The following TMEM135 variants were observed in gnomAD, a reference collection of about 807,000 sequenced individuals.
TMEM135 encodes peroxisomal membrane protein 52.
A neutral mutation model predicts 60.3 loss-of-function variants in TMEM135; 30 were observed. The observed-to-expected ratio is 0.50, with a 90% CI of 0.37 to 0.68. The LOEUF (loss-of-function observed/expected upper bound fraction) is 0.68, where lower values mean the gene tolerates loss of function less well. TMEM135 is among the 30% of genes least tolerant of loss of function. TMEM135 has a pLI of 0.00. For missense variants in TMEM135, 468 were observed against 548.8 expected (o/e 0.85, Z 1.47); for synonymous variants, 190 against 186.7 (o/e 1.02, Z -0.14).
At chr11:87,099,399 C>A (rs868773778) in intron 4 of TMEM135, among the ~76,000 whole-genome samples, 1 of 152,000 alleles carries the variant, frequency 6.6e-6, no homozygotes, top group African/African-American at 2.4e-5. Context: ...GTTCTCTTTA[C>A]CCATTTTCCC....
At chr11:87,263,944 C>T (rs953281622) in intron 6 of TMEM135, among the ~76,000 whole-genome samples, 1 of 151,804 alleles carries the variant, frequency 6.6e-6, no homozygotes, top group African/African-American at 2.4e-5. Flanking sequence ...ATTGTGATGG[C>T]AAGCCTTTTA....
chr11:87,302,231 C>CTTT, intron 7 of TMEM135, 65 bp from the exon 8 acceptor site: 1 of 1,322,102 alleles, frequency 7.6e-7, no homozygotes, highest in Non-Finnish European at 1.0e-6. Context: ...TAAACAAAGT[C>CTTT]TTTTTTTTTT....
At chr11:87,220,266 TA>T (rs1323654620) in intron 5 of TMEM135, among the ~76,000 whole-genome samples, 2 of 152,198 alleles carry the variant, frequency 1.3e-5, no homozygotes, top group African/African-American at 4.8e-5. Context: ...TATTTGTTAT[TA>T]AAGACAGAAT....
chr11:87,247,453 C>T (rs1008587664), intron 6 of TMEM135, among the ~76,000 whole-genome samples: 1 of 152,140 alleles, frequency 6.6e-6, no homozygotes, highest in African/African-American at 2.4e-5. Flanking sequence ...GCCATTCCCC[C>T]AGAGGTGGAG....
intron 5 of TMEM135, among the ~76,000 whole-genome samples, chr11:87,229,794 G>GGT (rs1940850368): frequency 6.6e-6 from 1 of 151,986 alleles, no homozygotes; most frequent in Non-Finnish European, 1.5e-5. Flanking sequence ...TATGTACAAA[G>GGT]GTATGTACAT....
chr11:87,242,248 T>C (rs1269838677), intron 6 of TMEM135, among the ~76,000 whole-genome samples: 1 of 151,786 alleles, frequency 6.6e-6, no homozygotes, highest in Non-Finnish European at 1.5e-5. Flanking sequence ...ATCCAGTCTA[T>C]CATTGTCGGA....
intron 10 of TMEM135, among the ~76,000 whole-genome samples, chr11:87,311,409 T>C (rs144170615): frequency 2.6e-4 from 39 of 152,150 alleles, no homozygotes; most frequent in African/African-American, 9.4e-4. Flanking sequence ...AAGGACAGAT[T>C]ATTGGTAATT....
chr11:87,102,734 A>ATGTATT (rs1857492116), intron 4 of TMEM135, among the ~76,000 whole-genome samples: 1 of 144,812 alleles, frequency 6.9e-6, no homozygotes, highest in African/African-American at 2.6e-5. Flanking sequence ...ATATGTATAT[A>ATGTATT]TATATGTATA....
chr11:87,047,011 C>T (rs1036458452), intron 1 of TMEM135, among the ~76,000 whole-genome samples: 3 of 152,160 alleles, frequency 2.0e-5, no homozygotes, highest in African/African-American at 7.2e-5. Flanking sequence ...TTTAAAAATG[C>T]AAGTCAGCTT....
At chr11:87,270,914 C>T (rs1262795931) in intron 6 of TMEM135, among the ~76,000 whole-genome samples, 1 of 151,988 alleles carries the variant, frequency 6.6e-6, no homozygotes, top group Non-Finnish European at 1.5e-5. Flanking sequence ...CAGACATGAG[C>T]TGTCATTATT....
intron 5 of TMEM135, among the ~76,000 whole-genome samples, chr11:87,168,318 G>C (rs1230933420): frequency 4.6e-5 from 7 of 152,034 alleles, no homozygotes; most frequent in Non-Finnish European, 1.0e-4. Flanking sequence ...GTTCTGCTCT[G>C]ATCTTAGTTG....
chr11:87,148,904 C>T (rs1938482064), intron 4 of TMEM135, among the ~76,000 whole-genome samples: 1 of 151,924 alleles, frequency 6.6e-6, no homozygotes, highest in African/African-American at 2.4e-5. Flanking sequence ...CATTATTGGC[C>T]TGTTATAAAT....
intron 6 of TMEM135, among the ~76,000 whole-genome samples, chr11:87,246,769 G>T (rs1216194099): frequency 2.4e-5 from 3 of 124,422 alleles, no homozygotes; most frequent in Non-Finnish European, 5.2e-5. Flanking sequence ...TTTTTTCAAA[G>T]TTTTCAACTT....
At chr11:87,224,065 G>A (rs888680789) in intron 5 of TMEM135, among the ~76,000 whole-genome samples, 2 of 152,196 alleles carry the variant, frequency 1.3e-5, no homozygotes, top group South Asian at 2.1e-4. Context: ...ACTGGTAGAT[G>A]GCTTGAGGTT....
intron 4 of TMEM135, among the ~76,000 whole-genome samples, chr11:87,107,571 A>G (rs1296872652): frequency 6.6e-6 from 1 of 152,092 alleles, no homozygotes; most frequent in Non-Finnish European, 1.5e-5. Flanking sequence ...AGCTTCATCC[A>G]TGTCCCTACA....
At chr11:87,055,020 C>T (rs571598577) in intron 1 of TMEM135, among the ~76,000 whole-genome samples, 19 of 152,080 alleles carry the variant, frequency 1.2e-4, no homozygotes, top group African/African-American at 3.9e-4. Flanking sequence ...GTGAGGGGAA[C>T]GTGGAGGTTA....
intron 12 of TMEM135, among the ~76,000 whole-genome samples, chr11:87,317,888 A>T (rs1942759041): frequency 1.3e-5 from 2 of 152,184 alleles, no homozygotes; most frequent in African/African-American, 4.8e-5. Flanking sequence ...AATATCATTT[A>T]AAAAGCAGAA....
At chr11:87,056,686 C>G (rs543659585) in intron 1 of TMEM135, among the ~76,000 whole-genome samples, 5 of 152,200 alleles carry the variant, frequency 3.3e-5, no homozygotes, top group African/African-American at 1.2e-4. Context: ...ATTTTTTAGT[C>G]AAGTAGTTAC....
rs184665130 is a variant in TMEM135 at position 87,192,768 on chromosome 11, T to A, written c.462+35362T>A. On this transcript the variant is annotated intron_variant, in intron 5 of 14. Transcript: ENST00000305494. ...ATTTTTAATAAAACCAGTTTACATATTTATAAGAATGTGATTGTATGTGTG... is the reference window on the plus strand; with the variant it reads ...ATTTTTAATAAAACCAGTTTACATAATTATAAGAATGTGATTGTATGTGTG... 4.6e-5 allele frequency among the ~76,000 whole-genome samples: 7 copies of A among 152,296 alleles called. No homozygotes were observed. The East Asian group carries it at 1.4e-3, about 29-fold the overall frequency.
Sources: allele counts gnomAD v4.1 joint callset (sites outside exome capture counted in the v4.1 genomes callset), GRCh38; gene constraint gnomAD v4.1.1; transcripts MANE v1.5; gene names NCBI Gene and HGNC (gene_info 2026-07-23, HGNC 2026-07-21).